MICU3: variants seen among roughly 807,000 people sequenced by gnomAD.
The protein encoded by MICU3 is mitochondrial calcium uptake 3.
Under a neutral mutation model 66.5 loss-of-function variants are expected in MICU3, and 62 were observed. The ratio of observed to expected loss-of-function variants is 0.93; its 90% confidence interval spans 0.76 to 1.15. The LOEUF is 1.15. Among genes scored for constraint, MICU3 ranks in the 50% most tolerant of loss-of-function variants. The pLI is 0.00. For synonymous variants in MICU3, 308 were observed against 240.7 expected (o/e 1.28, Z -2.59); for missense variants, 779 against 664.4 (o/e 1.17, Z -1.90).
intron 5 of MICU3, among the ~76,000 whole-genome samples, chr8:17,084,443 G>T (rs1264636552): frequency 6.6e-6 from 1 of 150,892 alleles, no homozygotes; most frequent in Admixed American, 6.6e-5. Flanking sequence ...ACAACAGGTG[G>T]TAGCAAATGT....
chr8:17,131,467 G>GT, the MICU3 span: 1 of 152,466 alleles, frequency 6.6e-6, no homozygotes, highest in Non-Finnish European at 1.5e-5. Context: ...GAGGGAGCTG[G>GT]TGGTGGCTGG....
chr8:17,042,090 C>T (rs1238626802), intron 1 of MICU3, among the ~76,000 whole-genome samples: 1 of 152,162 alleles, frequency 6.6e-6, no homozygotes, highest in Non-Finnish European at 1.5e-5. Context: ...GCAGTTTTTT[C>T]ATGGTCACAA....
At chr8:17,105,145 C>G (rs1282786694) in intron 10 of MICU3, among the ~76,000 whole-genome samples, 1 of 151,862 alleles carries the variant, frequency 6.6e-6, no homozygotes, top group Non-Finnish European at 1.5e-5. Context: ...TGCTATTCTG[C>G]AAGGTACTTT....
intron 1 of MICU3, among the ~76,000 whole-genome samples, chr8:17,050,552 C>T (rs1815898301): frequency 6.6e-6 from 1 of 151,978 alleles, no homozygotes; most frequent in Non-Finnish European, 1.5e-5. Context: ...GATCCTTTTT[C>T]TTATTTGGCT....
chr8:17,047,831 T>C (rs1815348889), intron 1 of MICU3, among the ~76,000 whole-genome samples: 2 of 151,940 alleles, frequency 1.3e-5, no homozygotes, highest in Admixed American at 6.6e-5. Context: ...CAGGAAGAAA[T>C]GAAATGAATT....
At chr8:17,093,344 T>A (rs536820743) in intron 8 of MICU3, among the ~76,000 whole-genome samples, 65 of 152,142 alleles carry the variant, frequency 4.3e-4, no homozygotes, top group African/African-American at 1.5e-3. Flanking sequence ...ACAGAAAACA[T>A]ACCAGTTTTT....
At chr8:17,037,199 C>T (rs1281415041) in intron 1 of MICU3, among the ~76,000 whole-genome samples, 1 of 152,198 alleles carries the variant, frequency 6.6e-6, no homozygotes, top group African/African-American at 2.4e-5. Context: ...CGCGCCTCTC[C>T]CTCCATACCT....
chr8:17,027,771 G>C, intron 1 of MICU3, 111 bp downstream of exon 1: 1 of 1,212,346 alleles, frequency 8.2e-7, no homozygotes, highest in East Asian at 3.2e-5. Flanking sequence ...CGCGGGTGAG[G>C]AACTTCCCGT....
intron 7 of MICU3, among the ~76,000 whole-genome samples, chr8:17,088,244 C>G (rs1799675815): frequency 6.6e-6 from 1 of 151,786 alleles, no homozygotes; most frequent in Non-Finnish European, 1.5e-5. Context: ...TTATGGAAGA[C>G]AGTCTTAAAA....
intron 8 of MICU3, 37 bp from the exon 9 acceptor site, chr8:17,098,419 TTC>T (rs1160877456): frequency 8.3e-7 from 1 of 1,205,626 alleles, no homozygotes; most frequent in African/African-American, 1.5e-5. Context: ...TTTGTAACTA[TTC>T]TTTAGATTTC....
chr8:17,118,796 C>G, intron 14 of MICU3, 21 bp downstream of exon 14: 3 of 1,539,734 alleles, frequency 1.9e-6, no homozygotes, highest in Non-Finnish European at 2.7e-6. Context: ...TTCTATTTGT[C>G]TAAATTTGTT....
chr8:17,128,889 T>C, the MICU3 span, among the ~76,000 whole-genome samples: 1 of 152,142 alleles, frequency 6.6e-6, no homozygotes, highest in Non-Finnish European at 1.5e-5. Context: ...AAAATCTGCA[T>C]AGGGGTACTG....
At chr8:17,117,607 C>CTT (rs1244315510) in intron 13 of MICU3, among the ~76,000 whole-genome samples, 2,476 of 129,388 alleles carry the variant, frequency 0.019, 108 homozygotes, top group African/African-American at 0.064. Context: ...AAGTTTTATC[C>CTT]TTTTTTTTTT....
chr8:17,115,208 T>C (rs184674888), intron 12 of MICU3, among the ~76,000 whole-genome samples: 161 of 152,274 alleles, frequency 1.1e-3, no homozygotes, highest in African/African-American at 3.7e-3. Context: ...TGATAATTTC[T>C]CTTTCCCAAA....
intron 1 of MICU3, among the ~76,000 whole-genome samples, chr8:17,032,147 T>C (rs563185796): frequency 1.2e-3 from 176 of 152,358 alleles, no homozygotes; most frequent in Non-Finnish European, 1.9e-3. Flanking sequence ...AGCATTTGAA[T>C]TGGGACGACT....
At chr8:17,049,180 T>C (rs1036171410) in intron 1 of MICU3, among the ~76,000 whole-genome samples, 13 of 152,226 alleles carry the variant, frequency 8.5e-5, no homozygotes, top group African/African-American at 3.1e-4. Context: ...AACCCATTTA[T>C]GCCTAGTGTT....
chr8:17,070,708 C>T (rs1819453086), intron 3 of MICU3, among the ~76,000 whole-genome samples: 1 of 151,360 alleles, frequency 6.6e-6, no homozygotes, highest in Non-Finnish European at 1.5e-5. Flanking sequence ...GGGAATCCTC[C>T]AAAAGCCTAC....
At chr8:17,060,144 G>C (rs1817590780) in intron 1 of MICU3, among the ~76,000 whole-genome samples, 1 of 152,114 alleles carries the variant, frequency 6.6e-6, no homozygotes, top group Admixed American at 6.5e-5. Flanking sequence ...AGAGAACAGA[G>C]AACTTAAAAA....
At chr8:17,082,696 T>C (rs1337903236) in intron 5 of MICU3, among the ~76,000 whole-genome samples, 1 of 152,118 alleles carries the variant, frequency 6.6e-6, no homozygotes, top group Admixed American at 6.6e-5. Flanking sequence ...TGTGGAGATA[T>C]GTGGAGATGC....
Sources: gnomAD v4.1 joint callset for allele counts (sites outside exome capture counted in the v4.1 genomes callset) on GRCh38, gnomAD v4.1.1 for gene constraint, MANE v1.5 for transcripts, NCBI Gene and HGNC (gene_info 2026-07-23, HGNC 2026-07-21) for gene names.